FREM1: variants seen among roughly 807,000 people sequenced by gnomAD.
FREM1 encodes the protein FRAS1 related extracellular matrix 1.
FREM1 carries 220 observed loss-of-function variants against 210.1 expected under a neutral mutation model. The ratio of observed to expected loss-of-function variants is 1.05; its 90% confidence interval spans 0.94 to 1.17. The LOEUF (loss-of-function observed/expected upper bound fraction) is 1.17. Ranked by LOEUF, FREM1 falls within the 50% of genes most tolerant of loss-of-function variation. The pLI is 0.00. For synonymous variants in FREM1, 1,189 were observed against 980.2 expected (o/e 1.21, Z -3.98); for missense variants, 3,454 against 2,675.5 (o/e 1.29, Z -6.42).
In FREM1 at chr9:14,750,243, G is replaced by C. The variant is rs1266053303; in HGVS notation, c.5441C>G (p.Thr1814Ser). The change falls in exon 30 of 37, where the codon ACC becomes AGC. Residue 1814 changes from threonine to serine, a missense_variant. Thr to Ser is a moderately conservative substitution (Grantham distance 58). Coordinates refer to ENST00000380880, the MANE Select transcript of FREM1 (RefSeq NM_001379081.2). ...MSTKMWNIAITYDGLEEDDEV... is the reference protein window; with the variant it reads ...MSTKMWNIAISYDGLEEDDEV... ...ATCATCTTCCTCTAATCCGTCATAG[G>C]TAATTGCTATATTCCACATCTTAGT... The C allele has an allele frequency of 6.2e-7, 1 of 1,612,426 alleles. No homozygotes were observed. Among genetic ancestry groups the C allele is most frequent in the South Asian group, 1.1e-5 (1 of 90,934 alleles).
intron 2 of FREM1, among the ~76,000 whole-genome samples, chr9:14,865,097 T>C (rs1190552649): frequency 6.6e-6 from 1 of 152,232 alleles, no homozygotes; most frequent in South Asian, 2.1e-4. Context: ...TCTAGCTTTG[T>C]TTTTTTCCAC....
chr9:14,864,981 T>C (rs1285151318), intron 2 of FREM1, among the ~76,000 whole-genome samples: 1 of 152,242 alleles, frequency 6.6e-6, no homozygotes, highest in Non-Finnish European at 1.5e-5. Context: ...GAAACATCTG[T>C]TTTATGTTTC....
At position 14,770,813 on chromosome 9, in the gene FREM1, C is replaced by T; in HGVS notation, c.4858-7G>A. The T allele has an allele frequency of 1.2e-6, 2 of 1,605,314 alleles. No homozygotes were observed. The highest frequency in any genetic ancestry group is 1.7e-6 in the Non-Finnish European group (2 of 1,174,496). On this transcript the variant is annotated splice_region_variant and splice_polypyrimidine_tract_variant and intron_variant, in intron 25 of 36. Transcript: ENST00000380880. ...TTTTGTCCAATTGGTCTACCTGGAT[C>T]ATCAACAATGACATAAAATGTTGTC...
In FREM1 at chr9:14,859,226, T is replaced by G; in HGVS notation, c.588A>C (p.Glu196Asp). The G allele has an allele frequency of 6.2e-7, 1 of 1,607,828 alleles. No homozygotes were observed. Among genetic ancestry groups the G allele is most frequent in the South Asian group, 1.1e-5 (1 of 90,686 alleles). ...TGTGTGGCTGATCTCCACGAGGTTCTTCTGGTCGAGGCTCCCCGAGAACCA... is the reference window on the plus strand; with the variant it reads ...TGTGTGGCTGATCTCCACGAGGTTCGTCTGGTCGAGGCTCCCCGAGAACCA... ...GQMVLGEPRP[E>D]EPRGDQPHSF... The change falls in exon 4 of 37, where the codon GAA (glutamate) becomes GAC (aspartate). Residue 196 changes from glutamate (E) to aspartate (D), a missense_variant. Transcript: ENST00000380880.
chr9:14,865,204 A>G (rs1831278966), intron 2 of FREM1, among the ~76,000 whole-genome samples: 2 of 152,184 alleles, frequency 1.3e-5, no homozygotes, highest in Non-Finnish European at 2.9e-5. Context: ...AAGTAGAGAT[A>G]CTTTCTTACC....
intron 1 of FREM1, among the ~76,000 whole-genome samples, chr9:14,873,787 T>G (rs1347298618): frequency 1.3e-5 from 2 of 152,258 alleles, no homozygotes; most frequent in Admixed American, 1.3e-4. Context: ...TCTTTCCTGC[T>G]TTCTCTTGTG....
At chr9:14,769,494 G>A (rs1008846002) in intron 27 of FREM1, among the ~76,000 whole-genome samples, 4 of 152,054 alleles carry the variant, frequency 2.6e-5, no homozygotes, top group Non-Finnish European at 4.4e-5. Flanking sequence ...TAATATGAAC[G>A]TCAACTTAGC....
At chr9:14,823,492 C>T (rs1250771644) in intron 12 of FREM1, among the ~76,000 whole-genome samples, 165 bp from the exon 13 acceptor site, 2 of 152,192 alleles carry the variant, frequency 1.3e-5, no homozygotes, top group Middle Eastern at 3.2e-3. Flanking sequence ...ATGGCAAAAA[C>T]TGCAATAACT....
intron 28 of FREM1, among the ~76,000 whole-genome samples, chr9:14,759,252 G>C (rs566102885): frequency 6.6e-6 from 1 of 152,282 alleles, no homozygotes; most frequent in Admixed American, 6.5e-5. Context: ...GCTCACGCTT[G>C]TAATCCCAGC....
At position 14,859,176 on chromosome 9, in the gene FREM1, A is replaced by G. The variant is rs1248122772; in HGVS notation, c.631+7T>C. 1 of 1,551,630 alleles carries G rather than the reference A, an allele frequency of 6.4e-7. No individual in the cohort carries two copies. Among genetic ancestry groups the G allele is most frequent in the Non-Finnish European group, 8.7e-7 (1 of 1,151,480 alleles). On this transcript the variant is annotated splice_region_variant and intron_variant, in intron 4 of 36. Transcript: ENST00000380880. ...AATACCCAGAAAGGCATTAAAAGAC[A>G]TCATACGGGACTCTGGGAAAAAACT...
In FREM1 at chr9:14,801,851, C is replaced by A. The variant is rs760345632; in HGVS notation, c.3495G>T (p.Glu1165Asp). ...CAGCGCTGATGATGGAAGAGTCCAGCTCTTTCATCTGACCCTCACACACCT... is the reference window on the plus strand; with the variant it reads ...CAGCGCTGATGATGGAAGAGTCCAGATCTTTCATCTGACCCTCACACACCT... ...NITVCEGQMK[E>D]LDSSIISAVD... is the part of the protein sequence containing the mutation. The change falls in exon 20 of 37, where the codon GAG becomes GAT. Residue 1165 changes from glutamate to aspartate, a missense_variant. By Grantham distance (45) the Glu-to-Asp change is conservative (BLOSUM62 2). Coordinates refer to ENST00000380880, the MANE Select transcript of FREM1 (RefSeq NM_001379081.2). The A allele has an allele frequency of 4.0e-5, 65 of 1,613,294 alleles. No individual in the cohort carries two copies. The highest frequency in any genetic ancestry group is 1.1e-4 in the East Asian group (5 of 44,884).
chr9:14,824,917 C>G lies in FREM1; in HGVS notation c.1957G>C (p.Val653Leu). Residue 653 changes from valine (V) to leucine (L), a missense_variant, in exon 11 of 37, where the codon GTC (valine) becomes CTC (leucine). Transcript: ENST00000380880. The part of the protein sequence containing the change: ...EAPGVSRHLV[V>L]KETEVAYITK... The stretch of plus-strand genomic sequence containing the variant: ...ATATAGGCCACCTCAGTTTCCTTGA[C>G]AACCAAATGCCGAGAAACTCCAGGA... 1 of 1,610,892 alleles carries G rather than the reference C, an allele frequency of 6.2e-7. No homozygotes were observed. Among genetic ancestry groups the G allele is most frequent in the South Asian group, 1.1e-5 (1 of 89,788 alleles).
chr9:14,815,150 A>G (rs1187506062), intron 15 of FREM1, among the ~76,000 whole-genome samples: 1 of 152,154 alleles, frequency 6.6e-6, no homozygotes, highest in South Asian at 2.1e-4. Context: ...CACAGGAACT[A>G]CTGGCCAGTA....
At chr9:14,874,160 G>C (rs933996858) in intron 1 of FREM1, among the ~76,000 whole-genome samples, 1 of 152,310 alleles carries the variant, frequency 6.6e-6, no homozygotes, top group South Asian at 2.1e-4. Flanking sequence ...TTGGGGTGGA[G>C]GGTTCTGCAG....
intron 10 of FREM1, among the ~76,000 whole-genome samples, chr9:14,830,448 A>C (rs1235244504): frequency 6.6e-6 from 1 of 152,148 alleles, no homozygotes; most frequent in African/African-American, 2.4e-5. Context: ...CTTTTGTTAC[A>C]ATCAGATTTC....
chr9:14,876,712 C>G (rs997170855), intron 1 of FREM1, among the ~76,000 whole-genome samples: 3 of 152,166 alleles, frequency 2.0e-5, no homozygotes, highest in Non-Finnish European at 4.4e-5. Context: ...TCTGGCACTC[C>G]CTAGTGAGAT....
At chr9:14,766,440 T>C (rs546963419) in intron 27 of FREM1, among the ~76,000 whole-genome samples, 6 of 152,260 alleles carry the variant, frequency 3.9e-5, no homozygotes, top group South Asian at 2.1e-4. Flanking sequence ...GTAGGCTTCA[T>C]TTCTGAGAGA....
chr9:14,839,707 T>A (rs1240918192), intron 10 of FREM1, among the ~76,000 whole-genome samples: 2 of 152,186 alleles, frequency 1.3e-5, no homozygotes, highest in African/African-American at 4.8e-5. Flanking sequence ...ATGAAGAGCA[T>A]GATTTATAAA....
At chr9:14,908,395 T>C (rs2132772950) in intron 1 of FREM1, among the ~76,000 whole-genome samples, 1 of 152,210 alleles carries the variant, frequency 6.6e-6, no homozygotes, top group East Asian at 1.9e-4. Context: ...CAGTCCTGGG[T>C]TTAAAGTTTC....
Sources: gnomAD v4.1 joint callset for allele counts (sites outside exome capture counted in the v4.1 genomes callset) on GRCh38, gnomAD v4.1.1 for gene constraint, MANE v1.5 for transcripts, NCBI Gene and HGNC (gene_info 2026-07-23, HGNC 2026-07-21) for gene names.